Variants in LRBA observed in about 807,000 individuals in gnomAD.
LRBA encodes LPS responsive beige-like anchor protein, also known as lipopolysaccharide-responsive and beige-like anchor protein.
A neutral mutation model predicts 330.0 loss-of-function variants in LRBA; 176 were observed. The observed-to-expected ratio is 0.53, with a 90% CI of 0.47 to 0.60. The LOEUF is 0.60. LRBA is among the 20% of genes least tolerant of loss of function. The probability of loss-of-function intolerance (pLI) is 0.00; values close to 1 mark genes in which losing one functional copy is unlikely to be tolerated. For missense variants in LRBA, 3,259 were observed against 3,444.8 expected (o/e 0.95, Z 1.35); for synonymous variants, 1,230 against 1,193.0 (o/e 1.03, Z -0.64).
chr4:150,784,726 T>G (rs1738786755), intron 34 of LRBA, among the ~76,000 whole-genome samples: 1 of 152,136 alleles, frequency 6.6e-6, no homozygotes, highest in Non-Finnish European at 1.5e-5. Context: ...TTCTTTCCCC[T>G]TTCTATCTTG....
At chr4:150,717,248 A>ATTTATTCTATAGT (rs1728323233) in intron 36 of LRBA, among the ~76,000 whole-genome samples, 1 of 152,226 alleles carries the variant, frequency 6.6e-6, no homozygotes, top group African/African-American at 2.4e-5. Flanking sequence ...AATTCAGAAA[A>ATTTATTCTATAGT]ACAAGTGGTA....
At chr4:150,738,214 C>T (rs1251914108) in intron 35 of LRBA, among the ~76,000 whole-genome samples, 2 of 151,828 alleles carry the variant, frequency 1.3e-5, no homozygotes, top group Non-Finnish European at 2.9e-5. Context: ...TGGTCTTGAA[C>T]TCCTGACCTC....
chr4:150,499,059 C>A (rs1759923064), intron 40 of LRBA, among the ~76,000 whole-genome samples: 1 of 152,032 alleles, frequency 6.6e-6, no homozygotes, highest in Non-Finnish European at 1.5e-5. Flanking sequence ...TAGAAAAAGG[C>A]TAAGAAAGCC....
chr4:150,954,817 C>CAAAAAAAAAAAAAAAAAAAAAAA (rs34282784), intron 2 of LRBA, among the ~76,000 whole-genome samples: 2 of 45,502 alleles, frequency 4.4e-5, no homozygotes, highest in East Asian at 6.6e-4. Context: ...ACTCAGAAAT[C>CAAAAAAAAAAAAAAAAAAAAAAA]AAAAAAAAAA....
At chr4:150,785,650 AT>A (rs11318427) in intron 34 of LRBA, among the ~76,000 whole-genome samples, 4,220 of 152,250 alleles carry the variant, frequency 0.028, 183 homozygotes, top group African/African-American at 0.096. Context: ...GAGGTTTCAA[AT>A]TCTACTAGGA....
intron 34 of LRBA, among the ~76,000 whole-genome samples, chr4:150,797,740 C>G (rs1397468591): frequency 6.6e-6 from 1 of 152,028 alleles, no homozygotes. Context: ...CCATAATTCC[C>G]AGTGGAGTCA....
intron 26 of LRBA, among the ~76,000 whole-genome samples, chr4:150,847,786 C>G (rs1387257317): frequency 6.6e-6 from 1 of 152,124 alleles, no homozygotes; most frequent in Non-Finnish European, 1.5e-5. Flanking sequence ...ATTAAAAAGT[C>G]ATTTCATGTA....
At position 150,601,118 on chromosome 4, in the gene LRBA, C is replaced by T. The variant is rs551648660; in HGVS notation, c.5922-1987G>A. ...TATGACGATGTAAAGCTAATGAAAG[C>T]TGCTCAAATTTGTTAACCTTTTCTG... is the stretch of plus-strand genomic sequence containing the variant. On this transcript the variant is annotated intron_variant, in intron 37 of 56. Transcript: ENST00000651943. Among the ~76,000 whole-genome samples, 4 of 152,312 alleles carry T rather than the reference C, an allele frequency of 2.6e-5. No homozygotes were observed. In the East Asian group the frequency reaches 7.7e-4, roughly 29 times the overall value.
chr4:150,930,492 C>A (rs1482621042), intron 2 of LRBA, among the ~76,000 whole-genome samples: 1 of 148,500 alleles, frequency 6.7e-6, no homozygotes, highest in African/African-American at 2.5e-5. Context: ...GACTCCATCT[C>A]AAAAAAAAAT....
In LRBA at chr4:150,900,010, G is replaced by A. The variant is rs150475251; in HGVS notation, c.1924+39C>T. The A allele has an allele frequency of 1.2e-3, 1,738 of 1,435,266 alleles. 13 individuals are homozygous for A. In the African/African-American group the frequency reaches 0.022, roughly 18 times the overall value. 88.9% of individuals were successfully genotyped at this position (1,435,266 alleles called of 1,614,324 possible). ...AAAAAGAAAAATTAAATCCTGATTT[G>A]CATTTGTGTAAAGTAATATACAGAC... On this transcript the variant is annotated intron_variant, in intron 14 of 56. Coordinates refer to ENST00000651943, the MANE Select transcript of LRBA (RefSeq NM_001364905.1).
intron 40 of LRBA, among the ~76,000 whole-genome samples, chr4:150,576,009 C>T (rs1770492161): frequency 6.6e-6 from 1 of 151,550 alleles, no homozygotes. Context: ...AAGAATAATC[C>T]ACAAATTATA....
At chr4:150,912,211 C>T (rs557996208) in intron 9 of LRBA, among the ~76,000 whole-genome samples, 1 of 152,072 alleles carries the variant, frequency 6.6e-6, no homozygotes, top group Non-Finnish European at 1.5e-5. Flanking sequence ...AGGTATATGA[C>T]CTGTTAGGAA....
intron 47 of LRBA, among the ~76,000 whole-genome samples, chr4:150,369,540 AT>A (rs1245261806): frequency 6.6e-6 from 1 of 152,098 alleles, no homozygotes. Flanking sequence ...GCCTAAAAAA[AT>A]ATACTTTTTT....
chr4:150,379,988 C>A (rs553170031), intron 47 of LRBA, among the ~76,000 whole-genome samples: 2 of 139,346 alleles, frequency 1.4e-5, no homozygotes, highest in Non-Finnish European at 3.0e-5. Context: ...CATGGAGAAA[C>A]CCCATTTCTA....
intron 17 of LRBA, among the ~76,000 whole-genome samples, chr4:150,877,693 C>T (rs1269425992): frequency 6.6e-6 from 1 of 152,160 alleles, no homozygotes; most frequent in Non-Finnish European, 1.5e-5. Flanking sequence ...TAATAGACAT[C>T]TATGGGATAC....
At chr4:150,911,579 T>C (rs961435669) in intron 9 of LRBA, among the ~76,000 whole-genome samples, 13 of 152,252 alleles carry the variant, frequency 8.5e-5, no homozygotes, top group African/African-American at 3.1e-4. Context: ...TTTAATGTGC[T>C]GTTAAATTCA....
chr4:150,915,628 A>G lies in LRBA; in HGVS notation c.994T>C (p.Trp332Arg), dbSNP rs749265078. 1 of 1,611,952 alleles carries G rather than the reference A, an allele frequency of 6.2e-7. No individual in the cohort carries two copies. Among genetic ancestry groups the G allele is most frequent in the South Asian group, 1.1e-5 (1 of 90,504 alleles). The change falls in exon 8 of 57, where the codon TGG becomes CGG. Residue 332 changes from tryptophan (W) to arginine (R), a missense_variant. Transcript: ENST00000651943. ...GELASYGEIT[W>R]FVNTSDTFDK... ...CTTACATCGCTAGTGTTGACAAACCATGTTATCTCTCCATAGGAAGCCAGC... is the reference window on the plus strand; with the variant it reads ...CTTACATCGCTAGTGTTGACAAACCGTGTTATCTCTCCATAGGAAGCCAGC...
At chr4:150,720,719 G>C (rs995496642) in intron 36 of LRBA, among the ~76,000 whole-genome samples, 2 of 152,128 alleles carry the variant, frequency 1.3e-5, no homozygotes, top group South Asian at 4.1e-4. Context: ...GGAAAAATCA[G>C]AATCTGCTGA....
chr4:150,582,962 G>A (rs965156364), intron 40 of LRBA: 2 of 1,515,740 alleles, frequency 1.3e-6, no homozygotes, highest in African/African-American at 2.8e-5. Context: ...GCCACCACCA[G>A]TGCGTGAGCC....
Sources: gnomAD v4.1 joint callset for allele counts (sites outside exome capture counted in the v4.1 genomes callset) on GRCh38, gnomAD v4.1.1 for gene constraint, MANE v1.5 for transcripts, NCBI Gene and HGNC (gene_info 2026-07-23, HGNC 2026-07-21) for gene names.